The following CBLN2 variants were observed in gnomAD, a reference collection of about 807,000 sequenced individuals.
CBLN2 encodes the protein cerebellin 2 precursor.
CBLN2 carries 7 observed loss-of-function variants against 15.0 expected under a neutral mutation model. That is an observed-to-expected ratio of 0.47 (90% CI 0.27 to 0.88). The LOEUF (loss-of-function observed/expected upper bound fraction) is 0.88, where lower values mean the gene tolerates loss of function less well. CBLN2 is among the 40% of genes least tolerant of loss of function. The probability of loss-of-function intolerance (pLI) is 0.14; values close to 1 mark genes in which losing one functional copy is unlikely to be tolerated. For missense variants in CBLN2, 242 were observed against 304.5 expected (o/e 0.79, Z 1.53); for synonymous variants, 149 against 135.2 (o/e 1.10, Z -0.71).
At chr18:72,552,860 T>G (rs1258546998) in intron 1 of CBLN2, among the ~76,000 whole-genome samples, 1 of 152,112 alleles carries the variant, frequency 6.6e-6, no homozygotes, top group Admixed American at 6.5e-5. Context: ...TGGGAAATAG[T>G]AGGAGAAAGG....
intron 1 of CBLN2, among the ~76,000 whole-genome samples, chr18:72,578,988 A>G (rs2069386188): frequency 6.6e-6 from 1 of 152,154 alleles, no homozygotes; most frequent in Admixed American, 6.5e-5. Flanking sequence ...TCTCTCTGAG[A>G]TGGAGCTGTC....
chr18:72,556,516 C>T (rs1457703767), intron 1 of CBLN2, among the ~76,000 whole-genome samples: 1 of 152,152 alleles, frequency 6.6e-6, no homozygotes, highest in East Asian at 1.9e-4. Flanking sequence ...ATTCCTCCTG[C>T]ACACTTAGAA....
chr18:72,608,201 T>C (rs2069596666), intron 1 of CBLN2, among the ~76,000 whole-genome samples: 1 of 152,208 alleles, frequency 6.6e-6, no homozygotes. Flanking sequence ...GAAAACTCCT[T>C]CGTAAGAATC....
intron 1 of CBLN2, among the ~76,000 whole-genome samples, chr18:72,627,543 C>G (rs906780414): frequency 6.6e-6 from 1 of 152,150 alleles, no homozygotes; most frequent in Non-Finnish European, 1.5e-5. Context: ...GCATCTTGAT[C>G]GCCATAGTTG....
At chr18:72,551,491 A>C (rs1383698745) in intron 1 of CBLN2, among the ~76,000 whole-genome samples, 2 of 152,152 alleles carry the variant, frequency 1.3e-5, no homozygotes, top group African/African-American at 4.8e-5. Flanking sequence ...TTGACTAAAA[A>C]CCGACAGAAT....
chr18:72,577,024 A>G (rs1024454877), intron 1 of CBLN2, among the ~76,000 whole-genome samples: 1 of 147,714 alleles, frequency 6.8e-6, no homozygotes, highest in African/African-American at 2.5e-5. Context: ...ATAATGTGAT[A>G]TATATAATGT....
At chr18:72,558,631 G>A (rs1404180891) in intron 1 of CBLN2, among the ~76,000 whole-genome samples, 1 of 152,152 alleles carries the variant, frequency 6.6e-6, no homozygotes, top group Non-Finnish European at 1.5e-5. Context: ...GCTTTTTGTA[G>A]GAGTAAGAAG....
chr18:72,631,770 T>C (rs570372687), intron 1 of CBLN2, among the ~76,000 whole-genome samples: 22 of 152,176 alleles, frequency 1.4e-4, no homozygotes, highest in Middle Eastern at 3.4e-3. Context: ...GCTGCAAAAA[T>C]TCATCTGAAA....
At chr18:72,593,319 C>T (rs530928266) in intron 1 of CBLN2, among the ~76,000 whole-genome samples, 4 of 152,072 alleles carry the variant, frequency 2.6e-5, no homozygotes, top group South Asian at 2.1e-4. Context: ...TTTTCATTGT[C>T]GGCATATAGA....
intron 1 of CBLN2, among the ~76,000 whole-genome samples, chr18:72,576,275 T>C (rs2069365944): frequency 6.6e-6 from 1 of 152,154 alleles, no homozygotes; most frequent in Non-Finnish European, 1.5e-5. Flanking sequence ...GTAGAAGAGT[T>C]ATGAAGTAAG....
intron 1 of CBLN2, among the ~76,000 whole-genome samples, chr18:72,623,016 G>T (rs2144968804): frequency 6.6e-6 from 1 of 152,296 alleles, no homozygotes; most frequent in East Asian, 1.9e-4. Flanking sequence ...AGACTGTACA[G>T]GCATGGCTGG....
intron 1 of CBLN2, among the ~76,000 whole-genome samples, chr18:72,619,831 C>A (rs1309036594): frequency 6.6e-6 from 1 of 152,134 alleles, no homozygotes; most frequent in Non-Finnish European, 1.5e-5. Flanking sequence ...TTTCTTGACC[C>A]CTTAATGGGA....
At chr18:72,549,287 C>T (rs890866963), upstream of CBLN2, among the ~76,000 whole-genome samples, 5 of 152,232 alleles carry the variant, frequency 3.3e-5, no homozygotes, top group African/African-American at 1.2e-4. Flanking sequence ...GCTGGGATTA[C>T]AGGCGTGAGC....
chr18:72,571,756 A>T (rs2069333567), intron 1 of CBLN2, among the ~76,000 whole-genome samples: 2 of 152,228 alleles, frequency 1.3e-5, no homozygotes, highest in Non-Finnish European at 2.9e-5. Flanking sequence ...GGCCATATGG[A>T]ATCTTCCAGT....
intron 1 of CBLN2, among the ~76,000 whole-genome samples, chr18:72,551,236 G>A (rs559071478): frequency 2.2e-4 from 34 of 152,100 alleles, no homozygotes; most frequent in Admixed American, 9.2e-4. Context: ...TGGGTAAAAT[G>A]TTTATATATA....
chr18:72,565,808 C>A (rs1415027207), intron 1 of CBLN2, among the ~76,000 whole-genome samples: 1 of 151,988 alleles, frequency 6.6e-6, no homozygotes, highest in Non-Finnish European at 1.5e-5. Flanking sequence ...CAAAAATAGA[C>A]AATTAAATTT....
intron 1 of CBLN2, among the ~76,000 whole-genome samples, chr18:72,566,914 T>C (rs941485199): frequency 6.6e-6 from 1 of 152,082 alleles, no homozygotes; most frequent in African/African-American, 2.4e-5. Context: ...AGCTTCCACC[T>C]TCTGGCTCAA....
At chr18:72,570,085 A>T (rs947517708) in intron 1 of CBLN2, among the ~76,000 whole-genome samples, 1 of 152,170 alleles carries the variant, frequency 6.6e-6, no homozygotes, top group South Asian at 2.1e-4. Context: ...GTTATGTTTT[A>T]TGAAGTCACT....
At chr18:72,556,975 A>G (rs1313961564) in intron 1 of CBLN2, among the ~76,000 whole-genome samples, 2 of 152,108 alleles carry the variant, frequency 1.3e-5, no homozygotes, top group Admixed American at 1.3e-4. Flanking sequence ...TGTTTTCATC[A>G]TTCTTATGCT....
Sources: allele counts gnomAD v4.1 joint callset (sites outside exome capture counted in the v4.1 genomes callset), GRCh38; gene constraint gnomAD v4.1.1; transcripts MANE v1.5; gene names NCBI Gene and HGNC (gene_info 2026-07-23, HGNC 2026-07-21).